Variants in LPAR1 observed in about 807,000 individuals in gnomAD.
The protein encoded by LPAR1 is LPA receptor 1.
In LPAR1, 5 loss-of-function variants were observed where a neutral mutation model predicts 23.8. The ratio of observed to expected loss-of-function variants is 0.21; its 90% CI spans 0.11 to 0.44. The LOEUF (loss-of-function observed/expected upper bound fraction) is 0.44, where lower values mean the gene tolerates loss of function less well. Among genes scored for constraint, LPAR1 ranks in the 20% least tolerant of loss-of-function variants. The pLI, the probability that LPAR1 is intolerant of heterozygous loss-of-function variation, is 0.99. For missense variants in LPAR1, 311 were observed against 482.8 expected, an observed-to-expected ratio of 0.64 and a Z score of 3.33; for synonymous variants, 160 against 164.7, an observed-to-expected ratio of 0.97 and a Z score of 0.22.
chr9:110,973,303 A>C (rs953952617), intron 3 of LPAR1, among the ~76,000 whole-genome samples, 178 bp downstream of exon 3: 1 of 152,168 alleles, frequency 6.6e-6, no homozygotes, highest in Non-Finnish European at 1.5e-5. Flanking sequence ...CAGAAGAAAA[A>C]ATTGAGGCTT....
At chr9:110,922,393 T>C (rs2093691025) in intron 5 of LPAR1, among the ~76,000 whole-genome samples, 1 of 152,170 alleles carries the variant, frequency 6.6e-6, no homozygotes, top group Admixed American at 6.6e-5. Flanking sequence ...AAATGAAGTG[T>C]AAACATAAAA....
chr9:110,897,619 C>A (rs1191289001), intron 5 of LPAR1, among the ~76,000 whole-genome samples: 1 of 152,196 alleles, frequency 6.6e-6, no homozygotes, highest in Non-Finnish European at 1.5e-5. Flanking sequence ...TTGGCTTCCT[C>A]TTCCATAAGT....
chr9:110,971,528 G>A (rs762869901), intron 4 of LPAR1, among the ~76,000 whole-genome samples: 3 of 152,142 alleles, frequency 2.0e-5, no homozygotes, highest in Non-Finnish European at 4.4e-5. Context: ...TGTCCCTGCC[G>A]TATTACTGCT....
intron 2 of LPAR1, chr9:110,999,574 A>T: frequency 2.7e-6 from 1 of 375,022 alleles, no homozygotes. Context: ...ACAGATCTGA[A>T]GGCTGGAAGT....
At chr9:110,966,418 G>A (rs2137764342) in intron 4 of LPAR1, among the ~76,000 whole-genome samples, 1 of 151,536 alleles carries the variant, frequency 6.6e-6, no homozygotes, top group East Asian at 2.0e-4. Flanking sequence ...GGCAGAGGTT[G>A]TGGCGAGCCA....
intron 5 of LPAR1, among the ~76,000 whole-genome samples, chr9:110,910,828 A>C (rs2092332404): frequency 6.6e-6 from 1 of 152,232 alleles, no homozygotes; most frequent in Non-Finnish European, 1.5e-5. Flanking sequence ...AGAAAGAGTC[A>C]GAAGTGGCAC....
intron 5 of LPAR1, among the ~76,000 whole-genome samples, chr9:110,904,014 T>C (rs1025377712): frequency 3.3e-5 from 5 of 151,706 alleles, no homozygotes; most frequent in African/African-American, 1.2e-4. Context: ...AAAAGGTGCA[T>C]TTTCCAAGTG....
chr9:111,005,151 C>CAAAAAAAAAAAAAAAAAAAAAAAAAAAAA, intron 2 of LPAR1, among the ~76,000 whole-genome samples: 1 of 74,292 alleles, frequency 1.3e-5, no homozygotes, highest in Non-Finnish European at 2.5e-5. Context: ...GACAAAGTCT[C>CAAAAAAAAAAAAAAAAAAAAAAAAAAAAA]AAAAAAAAAA....
chr9:110,896,814 G>A (rs1425695308), intron 5 of LPAR1, among the ~76,000 whole-genome samples: 4 of 143,452 alleles, frequency 2.8e-5, no homozygotes, highest in Non-Finnish European at 6.0e-5. Flanking sequence ...TTGAGATGGA[G>A]TCTTGCTCTG....
intron 1 of LPAR1, among the ~76,000 whole-genome samples, chr9:111,036,825 T>A (rs1259914581): frequency 6.6e-6 from 1 of 152,156 alleles, no homozygotes; most frequent in Non-Finnish European, 1.5e-5. Context: ...TTAATATACT[T>A]ACAATGCTGA....
intron 2 of LPAR1, among the ~76,000 whole-genome samples, chr9:110,974,648 A>G (rs1406610779): frequency 6.6e-6 from 1 of 152,178 alleles, no homozygotes; most frequent in Non-Finnish European, 1.5e-5. Flanking sequence ...AAAGTTCTCA[A>G]GTTATCTTGT....
intron 4 of LPAR1, among the ~76,000 whole-genome samples, 185 bp downstream of exon 4, chr9:110,971,888 T>C (rs974955178): frequency 6.6e-6 from 1 of 152,168 alleles, no homozygotes; most frequent in African/African-American, 2.4e-5. Context: ...ACTTGTTCAT[T>C]GTTCCAGCTG....
At chr9:110,955,356 C>T (rs2192592) in intron 4 of LPAR1, among the ~76,000 whole-genome samples, 145,979 of 152,294 alleles carry the variant, frequency 0.96, 70,012 homozygotes, top group African/African-American at 0.99. Flanking sequence ...CATTACATAA[C>T]GATAAAGGAA....
intron 5 of LPAR1, among the ~76,000 whole-genome samples, chr9:110,902,258 C>A (rs1045480033): frequency 1.3e-5 from 2 of 151,922 alleles, no homozygotes; most frequent in African/African-American, 4.8e-5. Flanking sequence ...GGAGCAGGAG[C>A]CATGCTGATA....
intron 5 of LPAR1, among the ~76,000 whole-genome samples, chr9:110,890,699 C>G (rs903391448): frequency 1.3e-5 from 2 of 152,148 alleles, no homozygotes; most frequent in Admixed American, 1.3e-4. Flanking sequence ...ACTGTATAGA[C>G]CAGTCAACTT....
chr9:110,949,747 G>A (rs1400035278), intron 4 of LPAR1, among the ~76,000 whole-genome samples: 1 of 152,198 alleles, frequency 6.6e-6, no homozygotes, highest in African/African-American at 2.4e-5. Context: ...TAAAATGCAA[G>A]TAAATCAAAT....
intron 4 of LPAR1, among the ~76,000 whole-genome samples, chr9:110,964,910 C>T (rs993702438): frequency 8.5e-6 from 1 of 117,068 alleles, no homozygotes; most frequent in African/African-American, 3.3e-5. Context: ...TTCACCTAGG[C>T]TGGAGTGCAG....
At chr9:110,949,885 C>T (rs1231473844) in intron 4 of LPAR1, among the ~76,000 whole-genome samples, 1 of 151,934 alleles carries the variant, frequency 6.6e-6, no homozygotes, top group African/African-American at 2.4e-5. Flanking sequence ...GATGATTTAA[C>T]ATTTAAAAAA....
At chr9:110,939,199 G>A (rs1487440663) in intron 5 of LPAR1, among the ~76,000 whole-genome samples, 4 of 152,266 alleles carry the variant, frequency 2.6e-5, no homozygotes, top group Admixed American at 6.5e-5. Context: ...CTGTAGGAAT[G>A]GCATTAGGCA....
Sources: gnomAD v4.1 joint callset for allele counts (sites outside exome capture counted in the v4.1 genomes callset) on GRCh38, gnomAD v4.1.1 for gene constraint, MANE v1.5 for transcripts, NCBI Gene and HGNC (gene_info 2026-07-23, HGNC 2026-07-21) for gene names.